POC1B: variants seen among roughly 807,000 people sequenced by gnomAD.
POC1B encodes POC1 centriolar protein homolog B.
A neutral mutation model predicts 60.6 loss-of-function variants in POC1B; 44 were observed. The observed-to-expected ratio is 0.73, with a 90% CI of 0.57 to 0.93. The LOEUF (loss-of-function observed/expected upper bound fraction) is 0.93, where lower values mean the gene tolerates loss of function less well. Among genes scored for constraint, POC1B ranks in the 40% least tolerant of loss-of-function variants. The pLI is 0.00. For synonymous variants in POC1B, 180 were observed against 198.9 expected (o/e 0.90, Z 0.80); for missense variants, 555 against 572.3 (o/e 0.97, Z 0.31).
At chr12:89,519,301 C>T (rs752810714) in intron 2 of POC1B, 4 of 152,204 alleles carry the variant, frequency 2.6e-5, no homozygotes, top group Non-Finnish European at 5.9e-5. Context: ...TAAATATCCA[C>T]TGTCTGAATT....
intron 9 of POC1B, among the ~76,000 whole-genome samples, chr12:89,463,033 C>G (rs571975632): frequency 1.4e-3 from 217 of 152,206 alleles, no homozygotes; most frequent in African/African-American, 4.8e-3. Flanking sequence ...GAGATAAAAA[C>G]CCAATCTCAG....
Position 89,506,297 on chromosome 12 carries a change from T to C in POC1B, c.101-8955A>G, listed in dbSNP as rs148605994. Reference sequence around the variant, plus strand: ...TGCCCAGGACATTTCATTTGCAAAATGAGGTGTTAAAAGTATTAAAGGAAA... The same window carrying C: ...TGCCCAGGACATTTCATTTGCAAAACGAGGTGTTAAAAGTATTAAAGGAAA... On this transcript the variant is annotated intron_variant, in intron 2 of 11. Coordinates refer to ENST00000313546, the MANE Select transcript of POC1B (RefSeq NM_172240.3). Among the ~76,000 whole-genome samples, 91 of 152,288 alleles carry C rather than the reference T, an allele frequency of 6.0e-4. 1 individual carries two copies. In the East Asian group the frequency reaches 8.9e-3, roughly 15 times the overall value.
At chr12:89,440,452 T>G (rs914871700) in intron 10 of POC1B, among the ~76,000 whole-genome samples, 4 of 152,146 alleles carry the variant, frequency 2.6e-5, no homozygotes, top group African/African-American at 4.8e-5. Context: ...CCCACCTTGG[T>G]GTGAGGAATG....
chr12:89,523,216 TGCCA>T, intron 2 of POC1B: 1 of 1,614,050 alleles, frequency 6.2e-7, no homozygotes, highest in Non-Finnish European at 8.5e-7. Flanking sequence ...AATAGCCCCA[TGCCA>T]GCCTGGTCTA....
chr12:89,445,535 G>T (rs1247539204), intron 10 of POC1B, among the ~76,000 whole-genome samples: 1 of 152,154 alleles, frequency 6.6e-6, no homozygotes, highest in Non-Finnish European at 1.5e-5. Context: ...AAATGGTGCT[G>T]GGAAAACTGG....
intron 3 of POC1B, among the ~76,000 whole-genome samples, chr12:89,494,490 G>A (rs1474701814): frequency 6.6e-6 from 1 of 152,044 alleles, no homozygotes; most frequent in Admixed American, 6.6e-5. Flanking sequence ...CCCTCCCTTT[G>A]AGGGGAGGTG....
intron 9 of POC1B, 65 bp downstream of exon 9, chr12:89,466,705 A>G: frequency 6.9e-7 from 1 of 1,452,760 alleles, no homozygotes; most frequent in Non-Finnish European, 9.3e-7. Context: ...AATTTCAAAC[A>G]CCTCCTTCAG....
At chr12:89,446,766 A>T (rs1881808831) in intron 10 of POC1B, among the ~76,000 whole-genome samples, 1 of 152,132 alleles carries the variant, frequency 6.6e-6, no homozygotes, top group Non-Finnish European at 1.5e-5. Flanking sequence ...TATAGGAAAG[A>T]TTATATAAAT....
chr12:89,462,674 C>CATT (rs747699122), intron 9 of POC1B, among the ~76,000 whole-genome samples: 23 of 152,048 alleles, frequency 1.5e-4, no homozygotes, highest in Non-Finnish European at 2.5e-4. Context: ...TATATTGAAG[C>CATT]ATTACATCAA....
chr12:89,495,998 T>C (rs1869227017), intron 3 of POC1B, among the ~76,000 whole-genome samples: 1 of 152,108 alleles, frequency 6.6e-6, no homozygotes, highest in African/African-American at 2.4e-5. Context: ...TGACCTCAGG[T>C]GATCTGCCTG....
intron 10 of POC1B, among the ~76,000 whole-genome samples, chr12:89,435,859 GATA>G (rs1461037417): frequency 6.6e-6 from 1 of 151,824 alleles, no homozygotes; most frequent in Non-Finnish European, 1.5e-5. Flanking sequence ...GAAGAATTAT[GATA>G]ATATATCTTT....
At chr12:89,405,159 TAAAAAATGAACTAACATGGTTAA>T in the POC1B span, among the ~76,000 whole-genome samples, 1 of 152,070 alleles carries the variant, frequency 6.6e-6, no homozygotes. Context: ...ACCAAACTTG[TAAAAAATGAACTAACATGGTTAA>T]AAAAAATGAA....
the POC1B span, among the ~76,000 whole-genome samples, chr12:89,413,628 A>G: frequency 6.6e-6 from 1 of 152,098 alleles, no homozygotes; most frequent in African/African-American, 2.4e-5. Flanking sequence ...TTCCATTTTT[A>G]TGATATACTT....
At chr12:89,516,910 G>A (rs1870467545) in intron 2 of POC1B, among the ~76,000 whole-genome samples, 1 of 151,944 alleles carries the variant, frequency 6.6e-6, no homozygotes, top group African/African-American at 2.4e-5. Flanking sequence ...ACACATCGCT[G>A]GATTTAGGGC....
intron 4 of POC1B, among the ~76,000 whole-genome samples, chr12:89,488,324 C>A (rs1868756346): frequency 6.6e-6 from 1 of 152,090 alleles, no homozygotes; most frequent in South Asian, 2.1e-4. Flanking sequence ...AAACATCATG[C>A]CAAATTTGTA....
At chr12:89,425,656 A>G (rs1044013050) in intron 10 of POC1B, 3 of 242,612 alleles carry the variant, frequency 1.2e-5, no homozygotes, top group Admixed American at 5.0e-5. Context: ...TCTACCATTA[A>G]AAAGATTGTT....
intron 7 of POC1B, among the ~76,000 whole-genome samples, chr12:89,468,942 G>T (rs1882786462): frequency 6.6e-6 from 1 of 152,084 alleles, no homozygotes; most frequent in African/African-American, 2.4e-5. Context: ...AATATTGTCT[G>T]GAAGAAAAGA....
chr12:89,401,478 A>T, the POC1B span, among the ~76,000 whole-genome samples: 9,320 of 135,926 alleles, frequency 0.069, 842 homozygotes, highest in East Asian at 0.23. Context: ...TGCCTTTTTC[A>T]TTTTTTTTTT....
chr12:89,470,260 T>C (rs775750969), intron 7 of POC1B, 101 bp downstream of exon 7: 14 of 698,098 alleles, frequency 2.0e-5, no homozygotes, highest in Non-Finnish European at 2.4e-5. Context: ...GTGTGCTATG[T>C]CTGGAAAAAC....
Sources: gnomAD v4.1 joint callset for allele counts (sites outside exome capture counted in the v4.1 genomes callset) on GRCh38, gnomAD v4.1.1 for gene constraint, MANE v1.5 for transcripts, NCBI Gene and HGNC (gene_info 2026-07-23, HGNC 2026-07-21) for gene names.